Variants in MATR3 observed in about 807,000 individuals in gnomAD.
MATR3 encodes the protein matrin 3, also known as matrin-3.
In MATR3, 4 loss-of-function variants were observed where a neutral mutation model predicts 85.5. The observed-to-expected ratio is 0.05, with a 90% CI of 0.02 to 0.11. The LOEUF (loss-of-function observed/expected upper bound fraction) is 0.11, where lower values mean the gene tolerates loss of function less well. Among genes scored for constraint, MATR3 ranks in the 10% least tolerant of loss-of-function variants. MATR3 has a pLI of 1.00. For missense variants in MATR3, 685 were observed against 1,016.1 expected (o/e 0.67, Z 4.43); for synonymous variants, 336 against 343.1 (o/e 0.98, Z 0.23).
upstream of MATR3, among the ~76,000 whole-genome samples, chr5:139,288,871 C>T (rs1753789198): frequency 6.6e-6 from 1 of 152,056 alleles, no homozygotes. Context: ...CTCGATCTGA[C>T]CTCATGATCC....
At position 139,319,037 on chromosome 5, in the gene MATR3, A is replaced by G; in HGVS notation, c.1434+4A>G. 1 of 1,601,664 alleles carries G rather than the reference A, an allele frequency of 6.2e-7. No individual in the cohort carries two copies. The highest frequency in any genetic ancestry group is 8.6e-7 in the Non-Finnish European group (1 of 1,169,354). On this transcript the variant is annotated splice_donor_region_variant and intron_variant, in intron 8 of 14. Transcript: ENST00000394805. ...CCAGAAGTATAAAAGAATAAAGGTA[A>G]TGTTTATTTTTTTCAAGCTGTATAT... is the stretch of plus-strand genomic sequence containing the variant.
At chr5:139,299,744 G>A (rs1378122310) in intron 1 of MATR3, 1 of 152,178 alleles carries the variant, frequency 6.6e-6, no homozygotes, top group African/African-American at 2.4e-5. Context: ...AATGAGTGAT[G>A]TTTCAGGTTG....
intron 1 of MATR3, among the ~76,000 whole-genome samples, chr5:139,298,828 G>T (rs1754293852): frequency 6.6e-6 from 1 of 152,088 alleles, no homozygotes; most frequent in Admixed American, 6.5e-5. Flanking sequence ...CGTTGTTCTT[G>T]GTAATGGCAA....
chr5:139,317,566 A>T lies in MATR3; in HGVS notation c.1183-30A>T, dbSNP rs199917408. The stretch of plus-strand genomic sequence containing the variant: ...TTTCATATTGCTTTAAAGAGACTTA[A>T]TTGCTTGGTTTTTTTCCCCTAATGG... On this transcript the variant is annotated intron_variant, in intron 6 of 14. Coordinates refer to ENST00000394805, the MANE Select transcript of MATR3 (RefSeq NM_018834.6). The T allele has an allele frequency of 3.1e-4, 499 of 1,609,900 alleles. 1 individual carries two copies. The African/African-American group carries it at 5.9e-3, about 19-fold the overall frequency.
intron 4 of MATR3, 33 bp from the exon 5 acceptor site, chr5:139,316,043 T>G: frequency 6.8e-7 from 1 of 1,461,692 alleles, no homozygotes; most frequent in South Asian, 1.1e-5. Flanking sequence ...ACCTCTTTAT[T>G]ATGATTTATA....
intron 1 of MATR3, among the ~76,000 whole-genome samples, chr5:139,305,346 G>A (rs1403009231): frequency 6.6e-6 from 1 of 151,966 alleles, no homozygotes; most frequent in African/African-American, 2.4e-5. Context: ...CTTAAAATAT[G>A]GCCGTTTTAA....
rs1350434869 is a variant in MATR3 at position 139,307,316 on chromosome 5, A to T, written c.-100A>T. 1 of 1,492,068 alleles carries T rather than the reference A, an allele frequency of 6.7e-7. No individual in the cohort carries two copies. Among genetic ancestry groups the T allele is most frequent in the Non-Finnish European group, 8.8e-7 (1 of 1,130,868 alleles). 92.4% of individuals were successfully genotyped at this position (1,492,068 alleles called of 1,614,324 possible). ...TTTTTCTTGGCGTTACCATTTTTGA[A>T]GCAAAGTTAACCTAGCTTTCTAGTT... On this transcript the variant is annotated 5_prime_UTR_variant, in exon 2 of 15. The change creates a new upstream start codon in the 5' untranslated region. Coordinates refer to ENST00000394805, the MANE Select transcript of MATR3 (RefSeq NM_018834.6). This position sits in a 1 kb window ranked among gnomAD's most constrained non-coding sequence, Gnocchi z 4.4.
chr5:139,303,392 G>A (rs192846472), intron 1 of MATR3, among the ~76,000 whole-genome samples: 1 of 152,124 alleles, frequency 6.6e-6, no homozygotes. Context: ...GAGCCACTGC[G>A]CCCTGCCAGA....
intron 14 of MATR3, among the ~76,000 whole-genome samples, chr5:139,327,210 A>G (rs1261928424): frequency 6.6e-6 from 1 of 152,016 alleles, no homozygotes; most frequent in Non-Finnish European, 1.5e-5. Context: ...AACTATAGTT[A>G]CTCAGTCATT....
upstream of MATR3, chr5:139,291,986 G>A (rs1753888734): frequency 8.9e-6 from 1 of 112,512 alleles, no homozygotes; most frequent in Non-Finnish European, 1.7e-5. Flanking sequence ...TGACTCTGTA[G>A]CCCAGGCTGG....
intron 1 of MATR3, among the ~76,000 whole-genome samples, chr5:139,274,722 G>A (rs144151243): frequency 2.9e-3 from 436 of 152,114 alleles, no homozygotes; most frequent in African/African-American, 0.01. Flanking sequence ...GGATGACGAG[G>A]TCAAGAGAAG....
At chr5:139,316,400 C>A (rs988885492) in intron 5 of MATR3, among the ~76,000 whole-genome samples, 3 of 152,018 alleles carry the variant, frequency 2.0e-5, no homozygotes, top group African/African-American at 7.3e-5. Flanking sequence ...TGCCCACCAC[C>A]ACGCCCAGCT....
intron 12 of MATR3, among the ~76,000 whole-genome samples, chr5:139,323,306 C>T (rs969776941): frequency 2.6e-5 from 4 of 151,822 alleles, no homozygotes; most frequent in South Asian, 4.2e-4. Context: ...AAATACAGGA[C>T]GTGAGTTTGC....
chr5:139,299,835 GAGAAT>G (rs1453988051), intron 1 of MATR3: 1 of 152,224 alleles, frequency 6.6e-6, no homozygotes, highest in Non-Finnish European at 1.5e-5. Context: ...TTATGGCAGA[GAGAAT>G]AGAAAGGTAA....
chr5:139,320,035 G>A (rs559880686), intron 9 of MATR3, among the ~76,000 whole-genome samples: 130 of 146,832 alleles, frequency 8.9e-4, no homozygotes, highest in Admixed American at 2.0e-3. Context: ...TTAGCCAGTC[G>A]CAGTGGCTCA....
intron 2 of MATR3, among the ~76,000 whole-genome samples, chr5:139,276,844 A>T (rs950414959): frequency 6.6e-6 from 1 of 152,194 alleles, no homozygotes; most frequent in Non-Finnish European, 1.5e-5. Context: ...TGGATTCCCT[A>T]TTAGGGAAAC....
chr5:139,326,050 A>G (rs1310323237), intron 13 of MATR3, 113 bp from the exon 14 acceptor site: 3 of 1,004,402 alleles, frequency 3.0e-6, no homozygotes, highest in African/African-American at 1.6e-5. Context: ...CTTAGGCTGT[A>G]TTGGACTTCT....
chr5:139,328,831 C>T (rs779821953), intron 14 of MATR3, among the ~76,000 whole-genome samples: 7 of 152,048 alleles, frequency 4.6e-5, no homozygotes, highest in African/African-American at 9.7e-5. Flanking sequence ...GTGAAAACCC[C>T]GTCTCTACCA....
At chr5:139,304,749 A>G (rs1412094732) in intron 1 of MATR3, among the ~76,000 whole-genome samples, 2 of 152,196 alleles carry the variant, frequency 1.3e-5, no homozygotes, top group East Asian at 1.9e-4. Context: ...GCAGTTTCCT[A>G]TAGAAAGGCA....
Sources: allele counts gnomAD v4.1 joint callset (sites outside exome capture counted in the v4.1 genomes callset), GRCh38; gene constraint gnomAD v4.1.1; non-coding constraint Gnocchi (gnomAD v3.1); transcripts MANE v1.5; gene names NCBI Gene and HGNC (gene_info 2026-07-23, HGNC 2026-07-21).